Variants in C10orf90 observed in about 807,000 individuals in gnomAD.
C10orf90 encodes chromosome 10 open reading frame 90.
In C10orf90, 56 loss-of-function variants were observed where a neutral mutation model predicts 62.5. That is an observed-to-expected ratio of 0.90 (90% CI 0.72 to 1.12). C10orf90 has a LOEUF of 1.12. C10orf90 is among the 50% of genes most tolerant of loss of function. C10orf90 has a pLI of 0.00. For synonymous variants in C10orf90, 386 were observed against 340.4 expected, an observed-to-expected ratio of 1.13 and a Z score of -1.47; for missense variants, 970 against 880.4, an observed-to-expected ratio of 1.10 and a Z score of -1.29.
At chr10:126,438,751 T>TTGTGTG (rs5788786) in intron 7 of C10orf90, among the ~76,000 whole-genome samples, 38 of 150,974 alleles carry the variant, frequency 2.5e-4, no homozygotes, top group Admixed American at 2.4e-3. Flanking sequence ...TGTATGTATG[T>TTGTGTG]TGTGTGTGTG....
chr10:126,649,981 G>A (rs1846259097), intron 1 of C10orf90, among the ~76,000 whole-genome samples: 1 of 152,102 alleles, frequency 6.6e-6, no homozygotes, highest in Non-Finnish European at 1.5e-5. Flanking sequence ...GGGAGGGAGT[G>A]GGGAGGGAGG....
chr10:126,584,652 C>T (rs73384992), intron 2 of C10orf90, among the ~76,000 whole-genome samples: 2,656 of 152,256 alleles, frequency 0.017, 73 homozygotes, highest in African/African-American at 0.06. Flanking sequence ...TGTCCCTGTG[C>T]TAACAGCACA....
intron 2 of C10orf90, among the ~76,000 whole-genome samples, chr10:126,553,714 C>T (rs1864691357): frequency 6.6e-6 from 1 of 152,022 alleles, no homozygotes; most frequent in South Asian, 2.1e-4. Flanking sequence ...TAGGCTATAC[C>T]ATCTAGGTTT....
In C10orf90 at chr10:126,425,700, C is replaced by G; in HGVS notation, c.*164G>C. 2.9e-6 allele frequency: 2 copies of G among 695,006 alleles called. No individual in the cohort carries two copies. The highest frequency in any genetic ancestry group is 3.1e-5 in the Admixed American group (1 of 32,118). The allele number at this position is 695,006 out of a possible 1,614,324, so 43.1% of individuals were successfully genotyped here. A position where few individuals can be genotyped will look rare whatever the true frequency, so the allele number is the denominator to read the frequency against. ...CTCGAGGGTTATTGTTTCTGTTTGG[C>G]TTGGGTCAGTAATTCAGGAAGTGAT... On this transcript the variant is annotated 3_prime_UTR_variant, in exon 10 of 10. Coordinates refer to ENST00000488181, the MANE Select transcript of C10orf90 (RefSeq NM_001350921.2).
At chr10:126,606,918 C>T (rs1845324968) in intron 2 of C10orf90, among the ~76,000 whole-genome samples, 1 of 152,154 alleles carries the variant, frequency 6.6e-6, no homozygotes, top group Non-Finnish European at 1.5e-5. Flanking sequence ...GGCAATGACC[C>T]ATAAGCCTTA....
At chr10:126,616,889 G>T (rs1312980516) in intron 2 of C10orf90, among the ~76,000 whole-genome samples, 1 of 152,106 alleles carries the variant, frequency 6.6e-6, no homozygotes, top group Non-Finnish European at 1.5e-5. Context: ...AGCAAAGTAG[G>T]TCCGCAACAT....
chr10:126,564,758 C>A (rs575009701), intron 2 of C10orf90, among the ~76,000 whole-genome samples: 1 of 130,196 alleles, frequency 7.7e-6, no homozygotes, highest in Non-Finnish European at 1.6e-5. Flanking sequence ...CTCCTGAAGG[C>A]GTCCAATTAA....
At chr10:126,608,817 A>G (rs779835912) in intron 2 of C10orf90, among the ~76,000 whole-genome samples, 42 of 152,172 alleles carry the variant, frequency 2.8e-4, no homozygotes, top group Non-Finnish European at 4.1e-4. Context: ...GTCAACATTT[A>G]ATGGATTTAC....
At chr10:126,515,805 G>T (rs1309152582) in intron 2 of C10orf90, among the ~76,000 whole-genome samples, 2 of 152,224 alleles carry the variant, frequency 1.3e-5, no homozygotes, top group African/African-American at 4.8e-5. Context: ...TCCAGAGCCT[G>T]GCTATGTCTC....
chr10:126,484,414 C>T (rs1040316273), intron 4 of C10orf90, among the ~76,000 whole-genome samples: 10 of 152,000 alleles, frequency 6.6e-5, no homozygotes, highest in South Asian at 2.1e-4. Flanking sequence ...ACTAACAACT[C>T]CAAAAAAAAC....
chr10:126,633,545 G>C (rs1845892203), intron 2 of C10orf90, among the ~76,000 whole-genome samples: 1 of 152,226 alleles, frequency 6.6e-6, no homozygotes, highest in Non-Finnish European at 1.5e-5. Context: ...TGTAGGATGA[G>C]GCTGCAGGAA....
At chr10:126,452,457 T>C (rs1256615863) in intron 7 of C10orf90, among the ~76,000 whole-genome samples, 1 of 152,212 alleles carries the variant, frequency 6.6e-6, no homozygotes, top group East Asian at 1.9e-4. Context: ...GCCAAGTAGA[T>C]TTATATCTGT....
At chr10:126,601,062 G>A (rs1591133801) in intron 2 of C10orf90, among the ~76,000 whole-genome samples, 1 of 152,146 alleles carries the variant, frequency 6.6e-6, no homozygotes, top group African/African-American at 2.4e-5. Context: ...AGACAGGCTT[G>A]GAGGACATCA....
intron 2 of C10orf90, among the ~76,000 whole-genome samples, chr10:126,579,062 G>T (rs1844686622): frequency 7.0e-6 from 1 of 143,408 alleles, no homozygotes; most frequent in Non-Finnish European, 1.5e-5. Context: ...TCAATTAAAA[G>T]TTTTTTTTTA....
intron 2 of C10orf90, among the ~76,000 whole-genome samples, chr10:126,518,158 C>T (rs985406823): frequency 2.6e-5 from 4 of 152,100 alleles, no homozygotes; most frequent in South Asian, 2.1e-4. Context: ...GGTCCTACCC[C>T]GCATTGCTGT....
At chr10:126,432,480 A>C (rs185454800) in intron 7 of C10orf90, among the ~76,000 whole-genome samples, 1 of 152,208 alleles carries the variant, frequency 6.6e-6, no homozygotes, top group Admixed American at 6.5e-5. Context: ...CAAGTCAAAA[A>C]CCAGCTAAAG....
chr10:126,583,580 T>A (rs1462112026), intron 2 of C10orf90, among the ~76,000 whole-genome samples: 1 of 152,222 alleles, frequency 6.6e-6, no homozygotes, highest in African/African-American at 2.4e-5. Context: ...TGCTCAGACT[T>A]CAGCCTGACA....
intron 4 of C10orf90, chr10:126,470,223 C>A (rs776410643): frequency 2.4e-5 from 9 of 378,324 alleles, no homozygotes; most frequent in African/African-American, 8.4e-5. Context: ...GGAAGGCATT[C>A]TTCTGCATGA....
chr10:126,567,214 G>A (rs1019533035), intron 2 of C10orf90, among the ~76,000 whole-genome samples: 4 of 152,186 alleles, frequency 2.6e-5, no homozygotes, highest in Admixed American at 6.5e-5. Context: ...GGTTCTGCAG[G>A]CTGGGGTAGC....
Sources: gnomAD v4.1 joint callset for allele counts (sites outside exome capture counted in the v4.1 genomes callset) on GRCh38, gnomAD v4.1.1 for gene constraint, MANE v1.5 for transcripts, NCBI Gene and HGNC (gene_info 2026-07-23, HGNC 2026-07-21) for gene names.